RBMS3: variants seen among roughly 807,000 people sequenced by gnomAD.
RBMS3 encodes the protein RNA-binding motif, single-stranded-interacting protein 3.
A neutral mutation model predicts 66.8 loss-of-function variants in RBMS3; 27 were observed. The ratio of observed to expected loss-of-function variants is 0.40; its 90% CI spans 0.30 to 0.56. The LOEUF (loss-of-function observed/expected upper bound fraction) is 0.56. Ranked by LOEUF, RBMS3 falls within the 20% of genes least tolerant of loss-of-function variation. RBMS3 has a pLI of 0.40. For synonymous variants in RBMS3, 188 were observed against 183.0 expected, an observed-to-expected ratio of 1.03 and a Z score of -0.22; for missense variants, 513 against 549.5, an observed-to-expected ratio of 0.93 and a Z score of 0.66.
chr3:29,626,166 G>A (rs931028125), intron 4 of RBMS3, among the ~76,000 whole-genome samples: 1 of 152,112 alleles, frequency 6.6e-6, no homozygotes, highest in African/African-American at 2.4e-5. Context: ...AATGTAAAAC[G>A]GGCTTAGCAG....
intron 4 of RBMS3, among the ~76,000 whole-genome samples, chr3:29,623,591 C>CA (rs55768184): frequency 0.029 from 3,301 of 115,614 alleles, 58 homozygotes; most frequent in Admixed American, 0.078. Context: ...AAGACTGTCT[C>CA]AAAAAAAAAA....
intron 4 of RBMS3, among the ~76,000 whole-genome samples, chr3:29,708,392 G>T (rs985532745): frequency 1.3e-5 from 2 of 152,184 alleles, no homozygotes; most frequent in African/African-American, 4.8e-5. Context: ...GGCTCTAAAT[G>T]TAGGCAAGAA....
At chr3:29,731,041 A>T (rs1011912518) in intron 4 of RBMS3, 19 of 985,050 alleles carry the variant, frequency 1.9e-5, no homozygotes, top group Non-Finnish European at 2.3e-5. Context: ...AAGGCTGGAG[A>T]TCCTCATGGA....
chr3:29,600,400 C>T (rs1377844902), intron 4 of RBMS3, among the ~76,000 whole-genome samples: 1 of 152,048 alleles, frequency 6.6e-6, no homozygotes, highest in Non-Finnish European at 1.5e-5. Context: ...AAGCCTGCCA[C>T]TTTGACCTTC....
At chr3:29,948,905 G>C (rs1376739729) in intron 12 of RBMS3, among the ~76,000 whole-genome samples, 1 of 151,710 alleles carries the variant, frequency 6.6e-6, no homozygotes, top group African/African-American at 2.4e-5. Flanking sequence ...TTCTAACAGA[G>C]TAAAAGGTTA....
intron 12 of RBMS3, among the ~76,000 whole-genome samples, chr3:29,951,161 T>A (rs1695659160): frequency 6.6e-6 from 1 of 151,982 alleles, no homozygotes; most frequent in South Asian, 2.1e-4. Context: ...ATTCCTTTAT[T>A]AAAAAATAAA....
intron 4 of RBMS3, among the ~76,000 whole-genome samples, chr3:29,676,585 G>A (rs1188222506): frequency 6.6e-6 from 1 of 151,962 alleles, no homozygotes; most frequent in South Asian, 2.1e-4. Context: ...GTTCACTTTA[G>A]TTCTGTATTT....
At chr3:29,999,021 T>C (rs1394794869) in intron 14 of RBMS3, among the ~76,000 whole-genome samples, 1 of 152,056 alleles carries the variant, frequency 6.6e-6, no homozygotes, top group African/African-American at 2.4e-5. Flanking sequence ...AACCTACTCA[T>C]CTGACAAAGG....
intron 1 of RBMS3, among the ~76,000 whole-genome samples, chr3:29,297,698 A>G (rs2033374002): frequency 6.6e-6 from 1 of 151,850 alleles, no homozygotes; most frequent in Non-Finnish European, 1.5e-5. Context: ...TTACATTGCT[A>G]TATTTCACAA....
At chr3:29,947,770 T>G (rs928860271) in intron 12 of RBMS3, among the ~76,000 whole-genome samples, 2 of 151,412 alleles carry the variant, frequency 1.3e-5, no homozygotes, top group African/African-American at 4.8e-5. Context: ...TGGTTGGGTT[T>G]TATGAAACAC....
At chr3:29,816,301 GACACACACAGACAC>G (rs59860975) in intron 6 of RBMS3, among the ~76,000 whole-genome samples, 27,295 of 134,930 alleles carry the variant, frequency 0.2, 2,720 homozygotes, top group African/African-American at 0.28. Context: ...GACACACACA[GACACACACAGACAC>G]ACACACACAC....
At chr3:29,808,191 G>C (rs1372537326) in intron 6 of RBMS3, among the ~76,000 whole-genome samples, 1 of 151,658 alleles carries the variant, frequency 6.6e-6, no homozygotes, top group Admixed American at 6.6e-5. Context: ...TTTTTTGTTA[G>C]CTATGTCAGC....
intron 4 of RBMS3, among the ~76,000 whole-genome samples, chr3:29,711,227 C>T (rs1335758935): frequency 6.6e-6 from 1 of 152,114 alleles, no homozygotes; most frequent in South Asian, 2.1e-4. Context: ...CTCAAAAGGT[C>T]TTATTGTACT....
chr3:29,912,399 A>T (rs1297482580), intron 10 of RBMS3, among the ~76,000 whole-genome samples: 1 of 152,080 alleles, frequency 6.6e-6, no homozygotes, highest in East Asian at 1.9e-4. Flanking sequence ...ATTAGGGAAA[A>T]TGATGCTAAT....
At chr3:29,463,911 G>C (rs909614360) in intron 2 of RBMS3, among the ~76,000 whole-genome samples, 2 of 152,076 alleles carry the variant, frequency 1.3e-5, no homozygotes, top group Non-Finnish European at 2.9e-5. Context: ...TGGATAACTA[G>C]ATGCTGCCCT....
intron 12 of RBMS3, among the ~76,000 whole-genome samples, chr3:29,977,064 C>A (rs959321557): frequency 2.0e-5 from 3 of 152,120 alleles, no homozygotes; most frequent in Non-Finnish European, 4.4e-5. Flanking sequence ...TTCAGAGGTG[C>A]ATTTTTACAA....
chr3:29,652,673 A>G (rs2050187256), intron 4 of RBMS3, among the ~76,000 whole-genome samples: 1 of 152,174 alleles, frequency 6.6e-6, no homozygotes, highest in African/African-American at 2.4e-5. Flanking sequence ...AAGGGTGTTT[A>G]AGCAGGCAAA....
intron 4 of RBMS3, among the ~76,000 whole-genome samples, chr3:29,654,686 G>A (rs552173952): frequency 6.6e-6 from 1 of 151,376 alleles, no homozygotes; most frequent in Non-Finnish European, 1.5e-5. Context: ...CACATCTTGA[G>A]TTCAAGTGAT....
At chr3:29,838,858 A>G (rs2058594644) in intron 6 of RBMS3, among the ~76,000 whole-genome samples, 2 of 152,182 alleles carry the variant, frequency 1.3e-5, no homozygotes, top group South Asian at 4.1e-4. Flanking sequence ...ACAGGTTGAT[A>G]AATTCTGTGA....
Sources: allele counts gnomAD v4.1 joint callset (sites outside exome capture counted in the v4.1 genomes callset), GRCh38; gene constraint gnomAD v4.1.1; transcripts MANE v1.5; gene names NCBI Gene and HGNC (gene_info 2026-07-23, HGNC 2026-07-21).